RNF10: variants seen among roughly 807,000 people sequenced by gnomAD.
RNF10 encodes ring finger protein 10.
RNF10 carries 38 observed loss-of-function variants against 91.4 expected under a neutral mutation model. That is an observed-to-expected ratio of 0.42 (90% CI 0.32 to 0.54). RNF10 has a LOEUF of 0.54. RNF10 is among the 20% of genes least tolerant of loss of function. The pLI is 0.16. For missense variants in RNF10, 945 were observed against 1,012.0 expected (o/e 0.93, Z 0.90); for synonymous variants, 364 against 366.3 (o/e 0.99, Z 0.07).
chr12:120,559,470 C>T (rs1417588824), intron 6 of RNF10, among the ~76,000 whole-genome samples: 3 of 151,880 alleles, frequency 2.0e-5, no homozygotes, highest in Admixed American at 6.6e-5. Flanking sequence ...CTGCAATCTC[C>T]GCCTCCCAGG....
intron 1 of RNF10, among the ~76,000 whole-genome samples, chr12:120,543,244 A>T (rs568055): frequency 1 from 152,349 of 152,350 alleles, 76,174 homozygotes; most frequent in Non-Finnish European, 1. Flanking sequence ...CAGGTACTTT[A>T]GTATAGTTAT....
intron 1 of RNF10, among the ~76,000 whole-genome samples, chr12:120,544,042 A>G (rs1429400930): frequency 1.3e-5 from 2 of 151,828 alleles, no homozygotes; most frequent in Admixed American, 6.6e-5. Context: ...AGCCTGGCCA[A>G]TGTGGCGAAA....
At chr12:120,565,661 C>A in intron 12 of RNF10, 132 bp downstream of exon 12, 1 of 702,562 alleles carries the variant, frequency 1.4e-6, no homozygotes, top group South Asian at 1.7e-5. Context: ...ATGAGAGCAC[C>A]TCCTTAATAG....
chr12:120,534,803 C>T lies in RNF10; in HGVS notation c.-9C>T, dbSNP rs1362238128. The T allele has an allele frequency of 8.9e-6, 14 of 1,564,668 alleles. No individual in the cohort carries two copies. In the East Asian group the frequency reaches 2.3e-4, roughly 26 times the overall value. On this transcript the variant is annotated 5_prime_UTR_variant, in exon 1 of 17. Coordinates refer to ENST00000325954, the MANE Select transcript of RNF10 (RefSeq NM_014868.5). ...GCTCCGACTGCCGTCGCCGCCGAGG[C>T]CCCCGTTGATGCCGCTGAGCTCCCC...
Position 120,566,912 on chromosome 12 carries a change from C to T in RNF10, c.1973C>T (p.Pro658Leu), listed in dbSNP as rs751352713. Residue 658 changes from proline (P) to leucine (L), a missense_variant, in exon 13 of 17, where the codon CCC becomes CTC. Transcript: ENST00000325954. ...TGCTCCTCTGATTCTGCTTTGGGTC[C>T]CACCAGCACCGAGGGCCATGGGGCC... is the stretch of plus-strand genomic sequence containing the variant. ...YTCSSDSALG[P>L]TSTEGHGALS... is the part of the protein sequence containing the mutation. 72 of 1,613,860 alleles carry T rather than the reference C, an allele frequency of 4.5e-5. No homozygotes were observed. The highest frequency in any genetic ancestry group is 5.7e-5 in the Non-Finnish European group (67 of 1,179,970).
chr12:120,560,159 T>G (rs1281917985), intron 6 of RNF10, among the ~76,000 whole-genome samples: 1 of 151,108 alleles, frequency 6.6e-6, no homozygotes, highest in African/African-American at 2.4e-5. Flanking sequence ...TTTTTGTTTT[T>G]TTTTTTTTTG....
Position 120,534,602 on chromosome 12 carries a change from C to G in RNF10, c.-210C>G, listed in dbSNP as rs1870450355. The stretch of plus-strand genomic sequence containing the variant: ...GACTCCCGAGCCCCGGCCTCCTCGT[C>G]CTCGGTCGCCGCTGCCGCCGGGCTT... On this transcript the variant is annotated 5_prime_UTR_variant, in exon 1 of 17. Transcript: ENST00000325954. 1.6e-6 allele frequency: 2 copies of G among 1,215,384 alleles called. No individual in the cohort carries two copies. Among genetic ancestry groups the G allele is most frequent in the Non-Finnish European group, 2.1e-6 (2 of 952,118 alleles). The allele number at this position is 1,215,384 out of a possible 1,614,324, so 75.3% of individuals were successfully genotyped here. A position where few individuals can be genotyped will look rare whatever the true frequency, so the allele number is the denominator to read the frequency against.
Position 120,554,796 on chromosome 12 carries a change from T to C in RNF10, c.633T>C (p.Phe211=), listed in dbSNP as rs372583460. The C allele has an allele frequency of 1.9e-6, 3 of 1,613,748 alleles. No individual in the cohort carries two copies. Among genetic ancestry groups the C allele is most frequent in the African/African-American group, 1.3e-5 (1 of 74,932 alleles). Residue 211 remains phenylalanine, a synonymous_variant, in exon 4 of 17, where the codon TTT becomes TTC. Transcript: ENST00000325954. ...ADPDTLVNWD[F]VEQVRICSHE... is the part of the protein sequence containing the mutation. Reference sequence around the variant, plus strand: ...CTGATACATTAGTTAACTGGGACTTTGTGGAACAAGTGGTGAGTAGCTCAG... The same window carrying C: ...CTGATACATTAGTTAACTGGGACTTCGTGGAACAAGTGGTGAGTAGCTCAG...
chr12:120,534,853 C>G lies in RNF10; in HGVS notation c.42C>G (p.Asp14Glu), dbSNP rs1381875932. The stretch of plus-strand genomic sequence containing the variant: ...CCAACGCCGCCGCCACCGCCTCCGA[C>G]ATGGACAAGAACAGCGGCTCCAACA... The part of the protein sequence containing the change: ...SSPNAAATAS[D>E]MDKNSGSNSS... Residue 14 changes from aspartate to glutamate, a missense_variant, in exon 1 of 17, where the codon GAC (aspartate) becomes GAG (glutamate). By Grantham distance (45) the Asp-to-Glu change is conservative. Transcript: ENST00000325954. The G allele has an allele frequency of 1.9e-6, 3 of 1,607,198 alleles. No individual in the cohort carries two copies. The African/African-American group carries it at 4.0e-5, about 21-fold the overall frequency.
At chr12:120,541,447 T>TTC (rs1217903932) in intron 1 of RNF10, among the ~76,000 whole-genome samples, 2 of 151,610 alleles carry the variant, frequency 1.3e-5, no homozygotes, top group East Asian at 1.9e-4. Flanking sequence ...CTTTTTTTTT[T>TTC]TTTTTGAGAC....
chr12:120,563,153 C>A, intron 8 of RNF10, 83 bp downstream of exon 8: 1 of 1,584,908 alleles, frequency 6.3e-7, no homozygotes, highest in Non-Finnish European at 8.7e-7. Flanking sequence ...AGATCTAAAC[C>A]TTCTCAAGAG....
At chr12:120,555,654 A>AT (rs533531429) in intron 4 of RNF10, among the ~76,000 whole-genome samples, 319 of 149,592 alleles carry the variant, frequency 2.1e-3, no homozygotes, top group Non-Finnish European at 4.0e-3. Context: ...CTCCCAGCTA[A>AT]TTTTTTTTTG....
chr12:120,563,280 C>A, intron 8 of RNF10, 67 bp from the exon 9 acceptor site: 1 of 1,548,190 alleles, frequency 6.5e-7, no homozygotes, highest in Non-Finnish European at 8.7e-7. Flanking sequence ...CTTAGGTCTG[C>A]ATTTGCCACA....
intron 3 of RNF10, among the ~76,000 whole-genome samples, chr12:120,553,113 T>A (rs1480631121): frequency 4.3e-5 from 5 of 116,078 alleles, no homozygotes; most frequent in African/African-American, 1.3e-4. Context: ...AGATGTAGTC[T>A]CGCTCTGCCA....
At chr12:120,550,405 A>C (rs1872868851) in intron 2 of RNF10, among the ~76,000 whole-genome samples, 1 of 151,986 alleles carries the variant, frequency 6.6e-6, no homozygotes, top group African/African-American at 2.4e-5. Flanking sequence ...TAAAAGGTTG[A>C]GAATGTGGAG....
At chr12:120,551,532 C>G (rs191967391) in intron 2 of RNF10, among the ~76,000 whole-genome samples, 1 of 150,946 alleles carries the variant, frequency 6.6e-6, no homozygotes, top group African/African-American at 2.4e-5. Context: ...CTCCTGACCT[C>G]AGGTGATCCG....
chr12:120,546,564 T>G lies in RNF10; in HGVS notation c.317T>G (p.Leu106Arg). Residue 106 changes from leucine to arginine, a missense_variant, in exon 2 of 17, where the codon CTC (leucine) becomes CGC (arginine). Physicochemically the swap from Leu to Arg is moderately radical, Grantham distance 102. Transcript: ENST00000325954. Reference protein sequence around the residue: ...PPQRGGGSSKLFSSSFNGGRR... With the variant: ...PPQRGGGSSKRFSSSFNGGRR... The stretch of plus-strand genomic sequence containing the variant: ...CAAAGGGGCGGCGGCAGCAGCAAAC[T>G]CTTTAGCTCTTCTTTTAATGGTGGA... 6.2e-7 allele frequency: 1 copy of G among 1,613,524 alleles called. No individual in the cohort carries two copies. Among genetic ancestry groups the G allele is most frequent in the Non-Finnish European group, 8.5e-7 (1 of 1,179,870 alleles).
chr12:120,539,353 CTT>C (rs1228890751), intron 1 of RNF10: 4 of 1,240,428 alleles, frequency 3.2e-6, no homozygotes, highest in Admixed American at 4.6e-5. Context: ...CCACCTCTCT[CTT>C]CCTTTCATTC....
At chr12:120,543,537 C>T (rs1009872093) in intron 1 of RNF10, among the ~76,000 whole-genome samples, 1 of 152,302 alleles carries the variant, frequency 6.6e-6, no homozygotes, top group Non-Finnish European at 1.5e-5. Flanking sequence ...CCTGATGGCT[C>T]ACGCCTGTAA....
Sources: allele counts gnomAD v4.1 joint callset (sites outside exome capture counted in the v4.1 genomes callset), GRCh38; gene constraint gnomAD v4.1.1; transcripts MANE v1.5; gene names NCBI Gene and HGNC (gene_info 2026-07-23, HGNC 2026-07-21).